NKAIN2: variants seen among roughly 807,000 people sequenced by gnomAD.
NKAIN2 encodes sodium/potassium-transporting ATPase subunit beta-1-interacting protein 2.
In NKAIN2, 14 loss-of-function variants were observed where a neutral mutation model predicts 32.6. The observed-to-expected ratio is 0.43, with a 90% CI of 0.28 to 0.67. NKAIN2 has a LOEUF of 0.67. Ranked by LOEUF, NKAIN2 falls within the 30% of genes least tolerant of loss-of-function variation. The pLI is 0.17. For synonymous variants in NKAIN2, 80 were observed against 87.2 expected (o/e 0.92, Z 0.46); for missense variants, 198 against 258.3 (o/e 0.77, Z 1.60).
chr6:124,781,590 C>T (rs574933407), intron 4 of NKAIN2, among the ~76,000 whole-genome samples: 3 of 152,138 alleles, frequency 2.0e-5, no homozygotes, highest in South Asian at 2.1e-4. Context: ...TATTCCCAAA[C>T]GGTAATAATG....
Position 124,791,410 on chromosome 6 carries a change from A to C in NKAIN2, c.535+11A>C, listed in dbSNP as rs1419359063. On this transcript the variant is annotated intron_variant, in intron 5 of 6. Transcript: ENST00000368417. ...AAGAAGAGGACAGCTGTAAGTATTA[A>C]AGCTCTATTCTGTTTCTTTCAAGTT... 10 of 1,579,138 alleles carry C rather than the reference A, an allele frequency of 6.3e-6. No individual in the cohort carries two copies. Among genetic ancestry groups the C allele is most frequent in the Non-Finnish European group, 8.7e-6 (10 of 1,150,130 alleles).
At chr6:124,687,743 T>TAC (rs373594549) in intron 4 of NKAIN2, among the ~76,000 whole-genome samples, 8,129 of 104,168 alleles carry the variant, frequency 0.078, 509 homozygotes, top group African/African-American at 0.11. Flanking sequence ...ATATGATATA[T>TAC]ACACACACAC....
chr6:123,928,507 AT>A (rs1776111003), intron 1 of NKAIN2, among the ~76,000 whole-genome samples: 1 of 152,176 alleles, frequency 6.6e-6, no homozygotes, highest in South Asian at 2.1e-4. Context: ...TTATTTGGTT[AT>A]TTATTTCTCA....
chr6:123,855,761 T>C (rs1775534062), intron 1 of NKAIN2, among the ~76,000 whole-genome samples: 1 of 152,228 alleles, frequency 6.6e-6, no homozygotes, highest in African/African-American at 2.4e-5. Context: ...TGCCTCACAA[T>C]GTCTGAGTTC....
At chr6:124,751,376 A>G (rs1241526879) in intron 4 of NKAIN2, among the ~76,000 whole-genome samples, 1 of 151,970 alleles carries the variant, frequency 6.6e-6, no homozygotes, top group Non-Finnish European at 1.5e-5. Context: ...GCTTAAAGAA[A>G]AGGGGTGTTA....
At chr6:124,138,716 T>G (rs1171577074) in intron 1 of NKAIN2, among the ~76,000 whole-genome samples, 1 of 143,952 alleles carries the variant, frequency 6.9e-6, no homozygotes, top group Non-Finnish European at 1.5e-5. Context: ...ATATATCACA[T>G]TATATATTAT....
intron 3 of NKAIN2, among the ~76,000 whole-genome samples, chr6:124,511,361 G>A (rs1778705630): frequency 1.3e-5 from 2 of 152,178 alleles, no homozygotes; most frequent in African/African-American, 4.8e-5. Flanking sequence ...AGCTGATTGT[G>A]CCCTGGGTTC....
chr6:124,760,999 T>C (rs1778238364), intron 4 of NKAIN2, among the ~76,000 whole-genome samples: 2 of 152,178 alleles, frequency 1.3e-5, no homozygotes, highest in African/African-American at 4.8e-5. Flanking sequence ...AACTGAAATA[T>C]TGACAATCAA....
intron 3 of NKAIN2, among the ~76,000 whole-genome samples, chr6:124,370,749 A>G (rs907256233): frequency 6.6e-6 from 1 of 152,096 alleles, no homozygotes; most frequent in South Asian, 2.1e-4. Flanking sequence ...GGTGCCCTCA[A>G]TTAGTCCTTA....
At chr6:124,551,603 A>C (rs893668060) in intron 3 of NKAIN2, among the ~76,000 whole-genome samples, 21 of 152,198 alleles carry the variant, frequency 1.4e-4, no homozygotes, top group Non-Finnish European at 2.8e-4. Flanking sequence ...TGCTTTTGTC[A>C]GGGAAAAGGT....
chr6:124,622,599 G>A (rs1030565243), intron 3 of NKAIN2, among the ~76,000 whole-genome samples: 29 of 152,150 alleles, frequency 1.9e-4, no homozygotes, highest in Non-Finnish European at 2.6e-4. Context: ...ACTGCCCAGC[G>A]TCTGGGAAGA....
chr6:123,967,702 T>G (rs1778150401), intron 1 of NKAIN2, among the ~76,000 whole-genome samples: 1 of 152,072 alleles, frequency 6.6e-6, no homozygotes. Flanking sequence ...GGAGTGTGTG[T>G]ATATATACAC....
chr6:124,240,266 CA>C (rs924844935), intron 1 of NKAIN2, among the ~76,000 whole-genome samples: 3 of 151,734 alleles, frequency 2.0e-5, no homozygotes, highest in East Asian at 3.9e-4. Flanking sequence ...GCCTATTAAC[CA>C]AAAAAAGCAC....
intron 4 of NKAIN2, among the ~76,000 whole-genome samples, chr6:124,767,586 A>AT (rs1452878864): frequency 2.0e-5 from 3 of 151,966 alleles, no homozygotes; most frequent in African/African-American, 4.8e-5. Context: ...CTTCAGCTCT[A>AT]TTTTTTTTCT....
At chr6:124,494,333 T>A (rs7740565) in intron 3 of NKAIN2, among the ~76,000 whole-genome samples, 67,576 of 151,802 alleles carry the variant, frequency 0.45, 15,318 homozygotes, top group South Asian at 0.52. Flanking sequence ...GTGAGTTTTT[T>A]AAAAATATTC....
intron 1 of NKAIN2, among the ~76,000 whole-genome samples, chr6:123,984,059 C>G (rs968567027): frequency 3.5e-4 from 53 of 152,098 alleles, no homozygotes; most frequent in African/African-American, 1.2e-3. Flanking sequence ...AGGCATGTGC[C>G]ACCACACCCG....
chr6:124,421,951 C>G (rs1774773179), intron 3 of NKAIN2, among the ~76,000 whole-genome samples: 1 of 152,092 alleles, frequency 6.6e-6, no homozygotes, highest in Non-Finnish European at 1.5e-5. Context: ...GTTAATTTGC[C>G]AAAGTGGCGT....
At chr6:124,225,945 G>T (rs529915373) in intron 1 of NKAIN2, among the ~76,000 whole-genome samples, 1 of 151,994 alleles carries the variant, frequency 6.6e-6, no homozygotes, top group African/African-American at 2.4e-5. Flanking sequence ...TTTTGCAAAG[G>T]CCATTTATTA....
intron 3 of NKAIN2, among the ~76,000 whole-genome samples, chr6:124,448,847 A>G (rs1160644338): frequency 6.6e-6 from 1 of 152,166 alleles, no homozygotes; most frequent in Non-Finnish European, 1.5e-5. Flanking sequence ...AATTTAAATT[A>G]TCAGTTCCTG....
Sources: gnomAD v4.1 joint callset for allele counts (sites outside exome capture counted in the v4.1 genomes callset) on GRCh38, gnomAD v4.1.1 for gene constraint, MANE v1.5 for transcripts, NCBI Gene and HGNC (gene_info 2026-07-23, HGNC 2026-07-21) for gene names.